NOS1AP: variants seen among roughly 807,000 people sequenced by gnomAD.
NOS1AP encodes carboxyl-terminal PDZ ligand of neuronal nitric oxide synthase protein.
A neutral mutation model predicts 56.2 loss-of-function variants in NOS1AP; 21 were observed. That is an observed-to-expected ratio of 0.37 (90% CI 0.26 to 0.54). The LOEUF (loss-of-function observed/expected upper bound fraction) is 0.54. Among genes scored for constraint, NOS1AP ranks in the 20% least tolerant of loss-of-function variants. The pLI, the probability that NOS1AP is intolerant of heterozygous loss-of-function variation, is 0.84. For synonymous variants in NOS1AP, 270 were observed against 274.6 expected (o/e 0.98, Z 0.17); for missense variants, 522 against 657.8 (o/e 0.79, Z 2.26).
intron 2 of NOS1AP, among the ~76,000 whole-genome samples, chr1:162,266,383 G>A (rs970011798): frequency 8.5e-5 from 13 of 152,318 alleles, no homozygotes; most frequent in African/African-American, 2.9e-4. Flanking sequence ...ATGTGGGAAG[G>A]ATACAGGAAT....
chr1:162,329,015 T>C (rs1290080486), intron 4 of NOS1AP, among the ~76,000 whole-genome samples: 1 of 152,184 alleles, frequency 6.6e-6, no homozygotes, highest in Non-Finnish European at 1.5e-5. Flanking sequence ...GTATTGGTGG[T>C]GAATCTAGTT....
chr1:162,101,460 T>C (rs952791568), intron 1 of NOS1AP, among the ~76,000 whole-genome samples: 2 of 152,224 alleles, frequency 1.3e-5, no homozygotes, highest in South Asian at 2.1e-4. Context: ...CTTTTTCTAA[T>C]TCAGTGAAGA....
intron 2 of NOS1AP, among the ~76,000 whole-genome samples, chr1:162,177,318 G>T (rs1016752728): frequency 6.6e-6 from 1 of 152,172 alleles, no homozygotes; most frequent in Non-Finnish European, 1.5e-5. Context: ...CTTTGGTGTG[G>T]CAGTAAAGGC....
At chr1:162,206,538 C>T (rs769650522) in intron 2 of NOS1AP, among the ~76,000 whole-genome samples, 32 of 152,198 alleles carry the variant, frequency 2.1e-4, no homozygotes, top group Non-Finnish European at 3.4e-4. Flanking sequence ...ATTTGCTATC[C>T]AGCCTTGTGC....
chr1:162,290,060 T>G (rs970421771), intron 3 of NOS1AP, among the ~76,000 whole-genome samples: 14 of 152,184 alleles, frequency 9.2e-5, no homozygotes, highest in African/African-American at 3.4e-4. Context: ...ACTAAGCACA[T>G]GAAAGCCAGG....
At chr1:162,243,068 AG>A (rs967283088) in intron 2 of NOS1AP, among the ~76,000 whole-genome samples, 4 of 152,156 alleles carry the variant, frequency 2.6e-5, no homozygotes, top group Admixed American at 2.6e-4. Context: ...TCCCTAAGGG[AG>A]CCTACTGTTC....
chr1:162,291,128 A>G (rs1259334888), intron 3 of NOS1AP, among the ~76,000 whole-genome samples: 1 of 151,900 alleles, frequency 6.6e-6, no homozygotes, highest in Non-Finnish European at 1.5e-5. Flanking sequence ...TCTGAGGTCC[A>G]ACATCTCTGA....
intron 2 of NOS1AP, among the ~76,000 whole-genome samples, chr1:162,249,027 A>G (rs563152472): frequency 1.3e-5 from 2 of 152,282 alleles, no homozygotes; most frequent in East Asian, 3.9e-4. Flanking sequence ...AAGGCCTTCC[A>G]TCTCCAGACC....
At chr1:162,200,963 CAT>C (rs1017834856) in intron 2 of NOS1AP, among the ~76,000 whole-genome samples, 5 of 152,150 alleles carry the variant, frequency 3.3e-5, no homozygotes, top group Admixed American at 6.5e-5. Flanking sequence ...CGTAGGTAAA[CAT>C]GTGTCATAGG....
At position 162,318,514 on chromosome 1, in the gene NOS1AP, C is replaced by T. The variant is rs551317527; in HGVS notation, c.345-14503C>T. ...AGACTCTCTGCTCCCTCAGCTTCCA[C>T]GATTGTTTTCTCTTGTTCCTCCTCA... On this transcript the variant is annotated intron_variant, in intron 4 of 9. Transcript: ENST00000361897. Among the ~76,000 whole-genome samples, 8 of 152,224 alleles carry T rather than the reference C, an allele frequency of 5.3e-5. No homozygotes were observed. In the East Asian group the frequency reaches 1.2e-3, roughly 22 times the overall value.
chr1:162,212,021 G>T (rs1652364761), intron 2 of NOS1AP, among the ~76,000 whole-genome samples: 1 of 152,200 alleles, frequency 6.6e-6, no homozygotes, highest in Non-Finnish European at 1.5e-5. Context: ...TGTAAACCTA[G>T]CTCATAATCT....
intron 1 of NOS1AP, among the ~76,000 whole-genome samples, chr1:162,071,862 A>G (rs568316537): frequency 6.6e-6 from 1 of 152,188 alleles, no homozygotes; most frequent in Non-Finnish European, 1.5e-5. Context: ...GCAGTACCCT[A>G]TTTTACAAGT....
chr1:162,117,911 A>G (rs1648036067), intron 1 of NOS1AP, among the ~76,000 whole-genome samples: 1 of 152,156 alleles, frequency 6.6e-6, no homozygotes, highest in Non-Finnish European at 1.5e-5. Context: ...GCTTCTGGTC[A>G]TCAGATGATG....
rs779922695 is a variant in NOS1AP, at chr1:162,367,441, G to A, written c.1495G>A (p.Gly499Ser). Residue 499 changes from glycine (G) to serine (S), a missense_variant, in exon 10 of 10, where the codon GGC becomes AGC. By Grantham distance (56) the Gly-to-Ser change is moderately conservative. Transcript: ENST00000361897. The surrounding 1 kb of genome is among the most constrained non-coding windows in gnomAD (Gnocchi z 6.5). ...NVLQRQELGDGLDDEIAV is the reference protein window; with the variant it reads ...NVLQRQELGDSLDDEIAV ...CCTGCAGAGGCAGGAACTGGGCGAC[G>A]GCCTGGATGATGAGATCGCCGTGTA... 2.5e-6 allele frequency: 4 copies of A among 1,573,068 alleles called. No homozygotes were observed. Among genetic ancestry groups the A allele is most frequent in the East Asian group, 2.3e-5 (1 of 43,154 alleles).
intron 1 of NOS1AP, among the ~76,000 whole-genome samples, chr1:162,083,368 T>C (rs1691934024): frequency 6.6e-6 from 1 of 152,188 alleles, no homozygotes; most frequent in Non-Finnish European, 1.5e-5. Flanking sequence ...CTATTTTCCA[T>C]AAACACACAT....
chr1:162,336,884 G>C (rs1243430521), intron 5 of NOS1AP, among the ~76,000 whole-genome samples: 1 of 152,180 alleles, frequency 6.6e-6, no homozygotes, highest in Non-Finnish European at 1.5e-5. Context: ...GTGGTGGAGG[G>C]ACCCTAGCAC....
chr1:162,357,305 T>C, intron 8 of NOS1AP, 169 bp downstream of exon 8: 1 of 1,216,396 alleles, frequency 8.2e-7, no homozygotes, highest in Non-Finnish European at 1.1e-6. Flanking sequence ...GGGGGATAGA[T>C]GGGGGATGCA....
At chr1:162,352,990 G>C (rs1490406038) in intron 6 of NOS1AP, among the ~76,000 whole-genome samples, 1 of 152,044 alleles carries the variant, frequency 6.6e-6, no homozygotes, top group Non-Finnish European at 1.5e-5. Context: ...TCTCCATTCA[G>C]TCACCTGAAT....
chr1:162,081,756 A>C (rs1691892572), intron 1 of NOS1AP, among the ~76,000 whole-genome samples: 1 of 55,756 alleles, frequency 1.8e-5, no homozygotes, highest in African/African-American at 6.5e-5. Context: ...ATATCTATAG[A>C]TATATATATA....
Sources: allele counts gnomAD v4.1 joint callset (sites outside exome capture counted in the v4.1 genomes callset), GRCh38; gene constraint gnomAD v4.1.1; non-coding constraint Gnocchi (gnomAD v3.1); transcripts MANE v1.5; gene names NCBI Gene and HGNC (gene_info 2026-07-23, HGNC 2026-07-21).